Variants in UPF2 observed in about 807,000 individuals in gnomAD.
UPF2 encodes UPF2 regulator of nonsense mediated mRNA decay.
UPF2 carries 17 observed loss-of-function variants against 141.4 expected under a neutral mutation model. That is an observed-to-expected ratio of 0.12 (90% CI 0.08 to 0.18). The LOEUF (loss-of-function observed/expected upper bound fraction) is 0.18. Among genes scored for constraint, UPF2 ranks in the 10% least tolerant of loss-of-function variants. UPF2 has a pLI of 1.00. For missense variants in UPF2, 1,152 were observed against 1,515.9 expected (o/e 0.76, Z 3.99); for synonymous variants, 540 against 498.0 (o/e 1.08, Z -1.12).
chr10:11,959,100 G>C lies in UPF2; in HGVS notation c.2370+71C>G. On this transcript the variant is annotated intron_variant, in intron 12 of 21. Coordinates refer to ENST00000357604, the MANE Select transcript of UPF2 (RefSeq NM_015542.4). This position sits in a 1 kb window ranked among gnomAD's most constrained non-coding sequence, Gnocchi z 5.9. ...TTGAGCTCTACCCCCACTTCTCCTAGACTCTACATAAGCTTAGCACTACCA... is the reference window on the plus strand; with the variant it reads ...TTGAGCTCTACCCCCACTTCTCCTACACTCTACATAAGCTTAGCACTACCA... 1 of 1,441,342 alleles carries C rather than the reference G, an allele frequency of 6.9e-7. No homozygotes were observed. The highest frequency in any genetic ancestry group is 9.2e-7 in the Non-Finnish European group (1 of 1,089,112). The allele number at this position is 1,441,342 out of a possible 1,614,324, so 89.3% of individuals were successfully genotyped here.
chr10:11,984,400 T>C (rs1833652989), intron 8 of UPF2, among the ~76,000 whole-genome samples: 1 of 152,216 alleles, frequency 6.6e-6, no homozygotes, highest in South Asian at 2.1e-4. Flanking sequence ...AATGTTCTTT[T>C]TCTTTAAAAT....
At chr10:12,030,485 A>G (rs2131309004) in intron 2 of UPF2, among the ~76,000 whole-genome samples, 1 of 151,988 alleles carries the variant, frequency 6.6e-6, no homozygotes, top group African/African-American at 2.4e-5. Context: ...TGCTGCAGTA[A>G]GCCAAGATCT....
chr10:12,005,480 G>A (rs535863804), intron 4 of UPF2, among the ~76,000 whole-genome samples: 1 of 152,308 alleles, frequency 6.6e-6, no homozygotes, highest in South Asian at 2.1e-4. Flanking sequence ...ATTAGTAGAA[G>A]TCGTCTTTTT....
chr10:11,958,795 G>A (rs760251624), intron 12 of UPF2, among the ~76,000 whole-genome samples: 9 of 152,146 alleles, frequency 5.9e-5, no homozygotes, highest in African/African-American at 9.7e-5. Context: ...TCAAAATTAC[G>A]AAATTTCAGA....
intron 3 of UPF2, among the ~76,000 whole-genome samples, chr10:12,023,292 C>T (rs1199960928): frequency 6.6e-6 from 1 of 151,996 alleles, no homozygotes; most frequent in African/African-American, 2.4e-5. Flanking sequence ...GCTATTAATT[C>T]CAAATAGGCA....
At chr10:11,993,144 C>A (rs1833807837) in intron 8 of UPF2, among the ~76,000 whole-genome samples, 1 of 87,234 alleles carries the variant, frequency 1.1e-5, no homozygotes, top group Admixed American at 1.7e-4. Flanking sequence ...AGTGAGGCTC[C>A]ACCTCAAAAA....
chr10:11,944,355 G>A (rs144202680), intron 16 of UPF2, among the ~76,000 whole-genome samples: 5 of 152,072 alleles, frequency 3.3e-5, no homozygotes, highest in African/African-American at 9.7e-5. Context: ...TTGGCCAGAC[G>A]TGGTGGCAGG....
chr10:11,940,424 A>G lies in UPF2; in HGVS notation c.3378+2241T>C, dbSNP rs1221509125. ...TCATTTGTTCCGATGCTTTCAATAT[A>G]CTCTACCCATCACATTTCTGTTTTC... On this transcript the variant is annotated intron_variant, in intron 18 of 21. Coordinates refer to ENST00000357604, the MANE Select transcript of UPF2 (RefSeq NM_015542.4). This position sits in a 1 kb window ranked among gnomAD's most constrained non-coding sequence, Gnocchi z 4.2. Among the ~76,000 whole-genome samples the G allele has an allele frequency of 2.6e-5, 4 of 151,858 alleles. No homozygotes were observed. The highest frequency in any genetic ancestry group is 9.7e-5 in the African/African-American group (4 of 41,318).
intron 8 of UPF2, among the ~76,000 whole-genome samples, chr10:11,982,976 T>G (rs567131874): frequency 6.6e-6 from 1 of 152,330 alleles, no homozygotes; most frequent in African/African-American, 2.4e-5. Flanking sequence ...AATAATTGAT[T>G]TGTTATGGTT....
At chr10:11,958,732 C>A (rs1051138684) in intron 12 of UPF2, among the ~76,000 whole-genome samples, 1 of 152,130 alleles carries the variant, frequency 6.6e-6, no homozygotes, top group East Asian at 1.9e-4. Flanking sequence ...TGTTGAGAAT[C>A]TAAAGAAAGC....
intron 1 of UPF2, among the ~76,000 whole-genome samples, chr10:12,037,822 A>T (rs1277375205): frequency 2.6e-5 from 4 of 152,324 alleles, no homozygotes; most frequent in Admixed American, 2.6e-4. Flanking sequence ...TAAATACAAA[A>T]ATACTTTACT....
chr10:12,037,222 C>G (rs1426430543), intron 1 of UPF2, among the ~76,000 whole-genome samples: 1 of 151,862 alleles, frequency 6.6e-6, no homozygotes, highest in Non-Finnish European at 1.5e-5. Flanking sequence ...GTAGCTGGAA[C>G]AGTAGGTGCT....
intron 9 of UPF2, among the ~76,000 whole-genome samples, chr10:11,976,648 A>C (rs536296162): frequency 3.3e-5 from 5 of 152,204 alleles, no homozygotes; most frequent in Non-Finnish European, 7.3e-5. Context: ...GTTGAGAAAT[A>C]GATGTGAATT....
At chr10:11,933,734 A>G (rs1832809063) in intron 19 of UPF2, among the ~76,000 whole-genome samples, 1 of 152,242 alleles carries the variant, frequency 6.6e-6, no homozygotes, top group South Asian at 2.1e-4. Context: ...CAATTCCTAC[A>G]CGTTCTATAA....
intron 9 of UPF2, among the ~76,000 whole-genome samples, chr10:11,968,340 TA>T (rs1833357326): frequency 6.6e-6 from 1 of 152,162 alleles, no homozygotes; most frequent in African/African-American, 2.4e-5. Flanking sequence ...GGTTCTTAAA[TA>T]AGGAAAACTT....
chr10:11,943,257 T>A (rs1471650156), intron 16 of UPF2, 89 bp from the exon 17 acceptor site: 11 of 1,120,660 alleles, frequency 9.8e-6, no homozygotes, highest in South Asian at 2.8e-5. Context: ...AACTTCTGTA[T>A]AATTGTTTAT....
intron 4 of UPF2, among the ~76,000 whole-genome samples, chr10:12,005,244 G>C (rs1834016945): frequency 6.6e-6 from 1 of 152,034 alleles, no homozygotes; most frequent in Admixed American, 6.6e-5. Flanking sequence ...TTGGCACATG[G>C]TAGATTGCCA....
At chr10:12,007,311 G>T (rs572047591) in intron 4 of UPF2, among the ~76,000 whole-genome samples, 4 of 152,194 alleles carry the variant, frequency 2.6e-5, no homozygotes, top group Non-Finnish European at 5.9e-5. Context: ...TGTTAAGAGT[G>T]GTTACCTTGG....
rs1292154936 is a variant in UPF2 at position 11,979,545 on chromosome 10, C to T, written c.1845-380G>A. Among the ~76,000 whole-genome samples, 1 of 152,162 alleles carries T rather than the reference C, an allele frequency of 6.6e-6. No homozygotes were observed. Among genetic ancestry groups the T allele is most frequent in the Non-Finnish European group, 1.5e-5 (1 of 68,024 alleles). On this transcript the variant is annotated intron_variant, in intron 8 of 21. Coordinates refer to ENST00000357604, the MANE Select transcript of UPF2 (RefSeq NM_015542.4). This position sits in a 1 kb window ranked among gnomAD's most constrained non-coding sequence, Gnocchi z 6.2. ...TAACTTCTCTAGTGCAAGACAAAAT[C>T]CTTTAAAGCCATTTCCTTCATTTAT...
Sources: gnomAD v4.1 joint callset for allele counts (sites outside exome capture counted in the v4.1 genomes callset) on GRCh38, gnomAD v4.1.1 for gene constraint, Gnocchi (gnomAD v3.1) non-coding constraint, MANE v1.5 for transcripts, NCBI Gene and HGNC (gene_info 2026-07-23, HGNC 2026-07-21) for gene names.